DEK: variants seen among roughly 807,000 people sequenced by gnomAD.
The protein encoded by DEK is DEK proto-oncogene, also known as protein DEK.
DEK carries 28 observed loss-of-function variants against 46.8 expected under a neutral mutation model. The observed-to-expected ratio is 0.60, with a 90% confidence interval of 0.44 to 0.82. The LOEUF is 0.82. DEK is among the 40% of genes least tolerant of loss of function. The pLI, the probability that DEK is intolerant of heterozygous loss-of-function variation, is 0.00. For synonymous variants in DEK, 160 were observed against 144.5 expected, an observed-to-expected ratio of 1.11 and a Z score of -0.77; for missense variants, 416 against 430.6, an observed-to-expected ratio of 0.97 and a Z score of 0.30.
chr6:18,242,803 C>A (rs1790950281), intron 7 of DEK, among the ~76,000 whole-genome samples: 2 of 152,194 alleles, frequency 1.3e-5, no homozygotes, highest in South Asian at 4.1e-4. Flanking sequence ...AAGCTCTTTA[C>A]TCAAGGAAAG....
chr6:18,238,415 C>G (rs1582266488), intron 7 of DEK, among the ~76,000 whole-genome samples: 1 of 151,830 alleles, frequency 6.6e-6, no homozygotes, highest in East Asian at 2.0e-4. Flanking sequence ...ATTAAAATGA[C>G]AGGCCAGGCA....
At chr6:18,229,078 A>G (rs1024306302) in intron 9 of DEK, among the ~76,000 whole-genome samples, 1 of 152,244 alleles carries the variant, frequency 6.6e-6, no homozygotes, top group African/African-American at 2.4e-5. Flanking sequence ...CAGGCAGGAC[A>G]GTATTTGCTG....
At position 18,224,665 on chromosome 6, in the gene DEK, C is replaced by G. The variant is rs902829200; in HGVS notation, c.*1054G>C. 1 of 209,978 alleles carries G rather than the reference C, an allele frequency of 4.8e-6. No individual in the cohort carries two copies. The highest frequency in any genetic ancestry group is 2.3e-5 in the African/African-American group (1 of 44,008). The allele number at this position is 209,978 out of a possible 1,614,324, so 13.0% of individuals were successfully genotyped here. The stretch of plus-strand genomic sequence containing the variant: ...CTTTGTCAGAGACATCCACGATTGC[C>G]TGCACATTATATTCTGGCATTATAA... On this transcript the variant is annotated 3_prime_UTR_variant, in exon 11 of 11. Transcript: ENST00000652689.
intron 4 of DEK, among the ~76,000 whole-genome samples, chr6:18,257,670 T>C (rs1334052400): frequency 3.3e-5 from 5 of 151,960 alleles, no homozygotes; most frequent in South Asian, 4.2e-4. Flanking sequence ...GAGCCATGTA[T>C]TGCACACTGT....
chr6:18,234,526 C>G (rs759145522), intron 9 of DEK, among the ~76,000 whole-genome samples: 2 of 152,220 alleles, frequency 1.3e-5, no homozygotes, highest in African/African-American at 2.4e-5. Context: ...GGCTCCTCCC[C>G]CTGGAGCTCC....
At chr6:18,245,871 G>A (rs963535971) in intron 7 of DEK, among the ~76,000 whole-genome samples, 1 of 152,252 alleles carries the variant, frequency 6.6e-6, no homozygotes, top group Non-Finnish European at 1.5e-5. Context: ...TGAATCACGA[G>A]GGTGGGTTTT....
At chr6:18,244,680 G>A (rs909894706) in intron 7 of DEK, 2 of 647,818 alleles carry the variant, frequency 3.1e-6, no homozygotes, top group African/African-American at 3.8e-5. Context: ...AGAAAACTCA[G>A]AATGCCAAGA....
intron 9 of DEK, among the ~76,000 whole-genome samples, chr6:18,230,707 G>A (rs1417068557): frequency 2.6e-5 from 4 of 152,278 alleles, no homozygotes; most frequent in Admixed American, 6.5e-5. Flanking sequence ...ACCCAATACA[G>A]GAGCACCCAG....
intron 7 of DEK, among the ~76,000 whole-genome samples, chr6:18,248,537 A>G (rs377174125): frequency 6.6e-6 from 1 of 151,616 alleles, no homozygotes; most frequent in African/African-American, 2.4e-5. Context: ...ATATATTAAG[A>G]TATTTATGAA....
chr6:18,246,544 C>T (rs541863553), intron 7 of DEK, among the ~76,000 whole-genome samples: 2 of 152,314 alleles, frequency 1.3e-5, no homozygotes, highest in South Asian at 4.1e-4. Context: ...TTTTAAATTA[C>T]TTTTGTAAAA....
At chr6:18,230,450 C>T (rs995984373) in intron 9 of DEK, among the ~76,000 whole-genome samples, 2 of 152,126 alleles carry the variant, frequency 1.3e-5, no homozygotes, top group African/African-American at 4.8e-5. Context: ...GATAAAGAGT[C>T]AAGACCCATC....
intron 9 of DEK, among the ~76,000 whole-genome samples, chr6:18,228,054 T>C (rs1440353584): frequency 1.3e-5 from 2 of 152,218 alleles, no homozygotes; most frequent in Admixed American, 6.5e-5. Flanking sequence ...ACTCAGGTCC[T>C]GACTCTATAA....
At chr6:18,254,383 T>G (rs986268985) in intron 6 of DEK, among the ~76,000 whole-genome samples, 1 of 152,112 alleles carries the variant, frequency 6.6e-6, no homozygotes, top group Non-Finnish European at 1.5e-5. Flanking sequence ...AAAGACTGAA[T>G]GCAGAAGCAA....
Position 18,235,999 on chromosome 6 carries a change from C to T in DEK, c.1047+453G>A, listed in dbSNP as rs538864148. Among the ~76,000 whole-genome samples, 20 of 152,288 alleles carry T rather than the reference C, an allele frequency of 1.3e-4. No homozygotes were observed. In the South Asian group the frequency reaches 4.1e-3, roughly 32 times the overall value. On this transcript the variant is annotated intron_variant, in intron 9 of 10. Transcript: ENST00000652689. Reference sequence around the variant, plus strand: ...TGGAATCATATTCAAGACAAGGCCACTTTATTTCCTGAGAAGTATTAGAAA... The same window carrying T: ...TGGAATCATATTCAAGACAAGGCCATTTTATTTCCTGAGAAGTATTAGAAA...
chr6:18,261,958 A>G (rs1285113409), intron 2 of DEK, among the ~76,000 whole-genome samples: 2 of 152,158 alleles, frequency 1.3e-5, no homozygotes, highest in African/African-American at 4.8e-5. Context: ...TTCGTGTTGA[A>G]AAGTGATTTG....
chr6:18,233,692 AAAC>A (rs1256226763), intron 9 of DEK, among the ~76,000 whole-genome samples: 6 of 152,180 alleles, frequency 3.9e-5, no homozygotes, highest in Admixed American at 1.3e-4. Context: ...AAAAGTCAGG[AAAC>A]AACAGGTGCT....
intron 7 of DEK, among the ~76,000 whole-genome samples, chr6:18,240,916 A>G (rs1447320790): frequency 6.6e-6 from 1 of 152,220 alleles, no homozygotes; most frequent in Non-Finnish European, 1.5e-5. Flanking sequence ...ACTTCACTAC[A>G]TTATAGTAGA....
intron 2 of DEK, among the ~76,000 whole-genome samples, chr6:18,259,922 C>T (rs928758537): frequency 9.9e-5 from 15 of 152,128 alleles, no homozygotes; most frequent in Non-Finnish European, 2.1e-4. Context: ...TAAAACAACC[C>T]CTACTATCAC....
intron 2 of DEK, among the ~76,000 whole-genome samples, chr6:18,263,132 G>C (rs572920140): frequency 1.6e-4 from 25 of 152,220 alleles, no homozygotes; most frequent in African/African-American, 6.0e-4. Context: ...ATAAACTGCC[G>C]CAGCACACTC....
Sources: allele counts gnomAD v4.1 joint callset (sites outside exome capture counted in the v4.1 genomes callset), GRCh38; gene constraint gnomAD v4.1.1; transcripts MANE v1.5; gene names NCBI Gene and HGNC (gene_info 2026-07-23, HGNC 2026-07-21).